The following HAS2 variants were observed in gnomAD, a reference collection of about 807,000 sequenced individuals.
HAS2 encodes hyaluronan synthase 2.
A neutral mutation model predicts 51.6 loss-of-function variants in HAS2; 16 were observed. The ratio of observed to expected loss-of-function variants is 0.31; its 90% CI spans 0.21 to 0.47. HAS2 has a LOEUF of 0.47. Ranked by LOEUF, HAS2 falls within the 20% of genes least tolerant of loss-of-function variation. The probability of loss-of-function intolerance (pLI) is 1.00; values close to 1 mark genes in which losing one functional copy is unlikely to be tolerated. For missense variants in HAS2, 361 were observed against 662.6 expected, an observed-to-expected ratio of 0.54 and a Z score of 5.00; for synonymous variants, 228 against 235.5, an observed-to-expected ratio of 0.97 and a Z score of 0.29.
intron 2 of HAS2, 79 bp downstream of exon 2, chr8:121,628,635 C>G: frequency 7.9e-7 from 1 of 1,265,526 alleles, no homozygotes; most frequent in Non-Finnish European, 1.1e-6. Flanking sequence ...CAAGGATGGG[C>G]TATAGCATAT....
chr8:121,632,994 G>A (rs1441197501), intron 1 of HAS2, among the ~76,000 whole-genome samples: 1 of 152,092 alleles, frequency 6.6e-6, no homozygotes, highest in Admixed American at 6.5e-5. Context: ...AGTGGCATAA[G>A]GCCAGATAAT....
At chr8:121,630,060 T>G (rs1441121145) in intron 1 of HAS2, among the ~76,000 whole-genome samples, 1 of 151,434 alleles carries the variant, frequency 6.6e-6, no homozygotes, top group Admixed American at 6.6e-5. Context: ...CCTGCATAGA[T>G]GTCTATTAAA....
At chr8:121,619,747 A>G (rs1466024689) in intron 2 of HAS2, among the ~76,000 whole-genome samples, 1 of 152,172 alleles carries the variant, frequency 6.6e-6, no homozygotes, top group Non-Finnish European at 1.5e-5. Context: ...TGAGGCTAGA[A>G]AAACATGAAG....
intron 2 of HAS2, among the ~76,000 whole-genome samples, chr8:121,628,228 G>T (rs1483603887): frequency 1.3e-5 from 2 of 149,680 alleles, no homozygotes; most frequent in African/African-American, 4.9e-5. Flanking sequence ...TCTTTTAAAT[G>T]AAAATTGTTC....
At position 121,618,811 on chromosome 8, in the gene HAS2, G is replaced by A. The variant is rs148802489; in HGVS notation, c.628-1605C>T. Among the ~76,000 whole-genome samples the A allele has an allele frequency of 3.3e-5, 5 of 152,118 alleles. No homozygotes were observed. The East Asian group carries it at 9.7e-4, about 29-fold the overall frequency. On this transcript the variant is annotated intron_variant, in intron 2 of 3. Transcript: ENST00000303924. ...CCATCAAGTCAGACTGTACTGGTTG[G>A]ACTGAATCAAGATTTAGCCAATTTT...
intron 2 of HAS2, among the ~76,000 whole-genome samples, chr8:121,624,501 A>C (rs1351903483): frequency 6.6e-6 from 1 of 152,212 alleles, no homozygotes; most frequent in East Asian, 1.9e-4. Flanking sequence ...ACAAATTTGC[A>C]AATACAGAAT....
Position 121,629,196 on chromosome 8 carries a change from A to G in HAS2, c.145T>C (p.Tyr49His). 1 of 1,614,116 alleles carries G rather than the reference A, an allele frequency of 6.2e-7. No individual in the cohort carries two copies. Among genetic ancestry groups the G allele is most frequent in the Non-Finnish European group, 8.5e-7 (1 of 1,179,944 alleles). ...TDNYYFSFGL[Y>H]GAFLASHLII... ...AGGTGTGATGCCAAAAAGGCACCAT[A>G]CAGTCCAAAAGAGAAATAGTAATTA... is the stretch of plus-strand genomic sequence containing the variant. The change falls in exon 2 of 4, where the codon TAT becomes CAT. Residue 49 changes from tyrosine to histidine, a missense_variant. By Grantham distance (83) the Tyr-to-His change is moderately conservative. Coordinates refer to ENST00000303924, the MANE Select transcript of HAS2 (RefSeq NM_005328.3).
At chr8:121,638,955 C>G (rs1265226185) in intron 1 of HAS2, among the ~76,000 whole-genome samples, 3 of 152,136 alleles carry the variant, frequency 2.0e-5, no homozygotes, top group Admixed American at 2.0e-4. Flanking sequence ...TAATTTTAAA[C>G]CTGGCATCGT....
intron 1 of HAS2, among the ~76,000 whole-genome samples, chr8:121,638,742 A>G (rs188458891): frequency 4.2e-4 from 64 of 152,370 alleles, no homozygotes; most frequent in African/African-American, 1.4e-3. Context: ...TACTCAAAAT[A>G]CAGTACCTCA....
chr8:121,616,656 G>A (rs1166598340), intron 3 of HAS2, among the ~76,000 whole-genome samples: 3 of 151,802 alleles, frequency 2.0e-5, no homozygotes, highest in Admixed American at 6.6e-5. Flanking sequence ...GGCTGGTCTC[G>A]AACTCCTGAC....
rs191435294 is a variant in HAS2, at chr8:121,631,342, G to A, written c.1-2002C>T. On this transcript the variant is annotated intron_variant, in intron 1 of 3. Transcript: ENST00000303924. ...CCTGGACATCAGGATTCTAGCTTGC[G>A]GACGTCTCTTTTTTATTGTTGTTAA... Among the ~76,000 whole-genome samples the A allele has an allele frequency of 3.1e-4, 47 of 152,228 alleles. No individual in the cohort carries two copies. In the East Asian group the frequency reaches 3.5e-3, roughly 11 times the overall value.
At chr8:121,629,376 T>C (rs913810688) in intron 1 of HAS2, 36 bp from the exon 2 acceptor site, 7 of 1,542,502 alleles carry the variant, frequency 4.5e-6, no homozygotes, top group South Asian at 1.2e-5. Context: ...TGGTTAACCA[T>C]GATTGTCCCA....
chr8:121,633,136 CTTT>C (rs71816016), intron 1 of HAS2, among the ~76,000 whole-genome samples: 2 of 128,032 alleles, frequency 1.6e-5, no homozygotes, highest in Non-Finnish European at 1.6e-5. Flanking sequence ...GTTTCCCTAC[CTTT>C]TTTTTTTTTT....
At position 121,614,205 on chromosome 8, in the gene HAS2, G is replaced by A. The variant is rs767589605; in HGVS notation, c.1563C>T (p.Cys521=). ...VLIVGTLLYA[C]YWVMLLTLYV... ...ACAGCGTCAAAAGCATGACCCAATA[G>A]CATGCATAGAGCAACGTTCCAACAA... Residue 521 remains cysteine, a synonymous_variant, in exon 4 of 4, where the codon TGC becomes TGT. Coordinates refer to ENST00000303924, the MANE Select transcript of HAS2 (RefSeq NM_005328.3). The surrounding 1 kb of genome is among the most constrained non-coding windows in gnomAD (Gnocchi z 7.2). 2 of 1,614,082 alleles carry A rather than the reference G, an allele frequency of 1.2e-6. No individual in the cohort carries two copies. Among genetic ancestry groups the A allele is most frequent in the Non-Finnish European group, 1.7e-6 (2 of 1,179,946 alleles).
At chr8:121,631,667 C>T (rs944096379) in intron 1 of HAS2, among the ~76,000 whole-genome samples, 5 of 152,158 alleles carry the variant, frequency 3.3e-5, no homozygotes, top group Admixed American at 1.3e-4. Flanking sequence ...CAGGCAAGTA[C>T]GGCATCTCTT....
intron 2 of HAS2, among the ~76,000 whole-genome samples, chr8:121,622,169 C>A (rs549315204): frequency 1.1e-4 from 16 of 152,094 alleles, no homozygotes; most frequent in Non-Finnish European, 2.2e-4. Context: ...ATCACCCCCC[C>A]ATCCCAATTT....
At chr8:121,634,748 T>C (rs1344416176) in intron 1 of HAS2, among the ~76,000 whole-genome samples, 1 of 147,386 alleles carries the variant, frequency 6.8e-6, no homozygotes, top group African/African-American at 2.6e-5. Flanking sequence ...CCTCAAACAG[T>C]CTTTTTTTTT....
intron 3 of HAS2, among the ~76,000 whole-genome samples, chr8:121,616,862 G>C (rs1357478969): frequency 2.0e-5 from 3 of 152,130 alleles, no homozygotes; most frequent in African/African-American, 7.2e-5. Flanking sequence ...TAACTTATCA[G>C]CTACTACAGA....
At chr8:121,622,358 C>G (rs1812785072) in intron 2 of HAS2, among the ~76,000 whole-genome samples, 1 of 152,102 alleles carries the variant, frequency 6.6e-6, no homozygotes, top group African/African-American at 2.4e-5. Flanking sequence ...TCATCTGGAT[C>G]CCAATCCACC....
Sources: gnomAD v4.1 joint callset for allele counts (sites outside exome capture counted in the v4.1 genomes callset) on GRCh38, gnomAD v4.1.1 for gene constraint, Gnocchi (gnomAD v3.1) non-coding constraint, MANE v1.5 for transcripts, NCBI Gene and HGNC (gene_info 2026-07-23, HGNC 2026-07-21) for gene names.